Variants in NYAP2 observed in about 807,000 individuals in gnomAD.
NYAP2 encodes the protein neuronal tyrosine-phosphorylated phosphoinositide-3-kinase adapter 2.
A neutral mutation model predicts 50.4 loss-of-function variants in NYAP2; 23 were observed. The ratio of observed to expected loss-of-function variants is 0.46; its 90% CI spans 0.33 to 0.65. The LOEUF (loss-of-function observed/expected upper bound fraction) is 0.65, where lower values mean the gene tolerates loss of function less well. Among genes scored for constraint, NYAP2 ranks in the 30% least tolerant of loss-of-function variants. The pLI is 0.02. For missense variants in NYAP2, 885 were observed against 861.0 expected (o/e 1.03, Z -0.35); for synonymous variants, 394 against 365.2 (o/e 1.08, Z -0.90).
intron 3 of NYAP2, among the ~76,000 whole-genome samples, chr2:225,493,218 C>G (rs1363409576): frequency 6.6e-6 from 1 of 152,110 alleles, no homozygotes. Context: ...AACTCCTAAG[C>G]TTAAGAGATC....
intron 5 of NYAP2, among the ~76,000 whole-genome samples, chr2:225,605,800 T>G (rs1249620809): frequency 1.3e-5 from 2 of 152,156 alleles, no homozygotes; most frequent in Non-Finnish European, 2.9e-5. Context: ...ATTTATTTAT[T>G]TACTTCTACT....
chr2:225,420,774 C>G (rs1055826705), intron 3 of NYAP2, among the ~76,000 whole-genome samples: 5 of 151,772 alleles, frequency 3.3e-5, no homozygotes, highest in African/African-American at 4.8e-5. Flanking sequence ...CCATACCCGG[C>G]TAATTTTTGT....
chr2:225,551,931 G>A (rs1691685690), intron 4 of NYAP2, among the ~76,000 whole-genome samples: 1 of 152,142 alleles, frequency 6.6e-6, no homozygotes, highest in Non-Finnish European at 1.5e-5. Flanking sequence ...TCCTGCCTCA[G>A]CCTCCCAAAT....
At chr2:225,473,903 G>GTATTGCC (rs1477191049) in intron 3 of NYAP2, among the ~76,000 whole-genome samples, 1 of 152,132 alleles carries the variant, frequency 6.6e-6, no homozygotes, top group East Asian at 1.9e-4. Flanking sequence ...GTCCTGAATG[G>GTATTGCC]TATTGCCTAG....
intron 5 of NYAP2, among the ~76,000 whole-genome samples, chr2:225,601,334 TGGTCTCGATCTCTTGACCTTG>T (rs1692687246): frequency 1.3e-5 from 2 of 152,204 alleles, no homozygotes; most frequent in East Asian, 3.9e-4. Flanking sequence ...CTGGCCAGAA[TGGTCTCGATCTCTTGACCTTG>T]GGTCTCGATC....
chr2:225,676,739 G>A, the NYAP2 span, among the ~76,000 whole-genome samples: 1 of 152,134 alleles, frequency 6.6e-6, no homozygotes, highest in African/African-American at 2.4e-5. Flanking sequence ...AATTATGGGA[G>A]CCACAAGATA....
intron 3 of NYAP2, among the ~76,000 whole-genome samples, chr2:225,455,977 T>A (rs989982060): frequency 5.3e-5 from 8 of 152,218 alleles, no homozygotes; most frequent in Non-Finnish European, 7.3e-5. Flanking sequence ...ATGTAAATAG[T>A]TCTGGGATTT....
chr2:225,670,668 T>A, the NYAP2 span, among the ~76,000 whole-genome samples: 1 of 150,616 alleles, frequency 6.6e-6, no homozygotes, highest in East Asian at 2.0e-4. Flanking sequence ...TTTGGCAGCA[T>A]CAAGCAGTAA....
intron 5 of NYAP2, among the ~76,000 whole-genome samples, chr2:225,610,422 A>C (rs1048384305): frequency 6.6e-6 from 1 of 152,028 alleles, no homozygotes; most frequent in African/African-American, 2.4e-5. Flanking sequence ...TTCACCCTTC[A>C]TTACCTTGTT....
intron 5 of NYAP2, among the ~76,000 whole-genome samples, chr2:225,612,489 T>C (rs1692907317): frequency 6.6e-6 from 1 of 151,988 alleles, no homozygotes; most frequent in Admixed American, 6.6e-5. Context: ...TTTTCCTTGG[T>C]GAGTGTTTTA....
chr2:225,565,790 G>T (rs192694882), intron 4 of NYAP2, among the ~76,000 whole-genome samples: 1 of 152,062 alleles, frequency 6.6e-6, no homozygotes, highest in East Asian at 1.9e-4. Context: ...GCTCAACAAG[G>T]CTTCGTAAAG....
chr2:225,479,233 T>C (rs986465415), intron 3 of NYAP2, among the ~76,000 whole-genome samples: 7 of 152,200 alleles, frequency 4.6e-5, no homozygotes, highest in African/African-American at 1.7e-4. Context: ...AATCTGGTTA[T>C]AAATCCACTG....
chr2:225,430,828 C>T (rs527886015), intron 3 of NYAP2, among the ~76,000 whole-genome samples: 7 of 152,162 alleles, frequency 4.6e-5, no homozygotes, highest in Non-Finnish European at 1.0e-4. Context: ...TGAGGTAATG[C>T]ATAAGTTAAT....
chr2:225,664,638 G>A, the NYAP2 span, among the ~76,000 whole-genome samples: 2 of 152,148 alleles, frequency 1.3e-5, no homozygotes, highest in African/African-American at 4.8e-5. Flanking sequence ...GGAGGCAGAG[G>A]TGGTTGGATC....
chr2:225,544,176 C>T (rs1358743303), intron 4 of NYAP2, among the ~76,000 whole-genome samples: 2 of 147,956 alleles, frequency 1.4e-5, no homozygotes, highest in East Asian at 3.9e-4. Flanking sequence ...CTATGTGTAT[C>T]TTTATAGGTG....
At chr2:225,641,919 T>G (rs114338427) in intron 6 of NYAP2, among the ~76,000 whole-genome samples, 2,927 of 152,262 alleles carry the variant, frequency 0.019, 110 homozygotes, top group African/African-American at 0.066. Flanking sequence ...TTTTTATCCA[T>G]GTGAAACATA....
chr2:225,609,211 T>C (rs1014558905), intron 5 of NYAP2, among the ~76,000 whole-genome samples: 1 of 152,124 alleles, frequency 6.6e-6, no homozygotes, highest in African/African-American at 2.4e-5. Flanking sequence ...ATTATAATAC[T>C]TGTAATCTGA....
intron 3 of NYAP2, among the ~76,000 whole-genome samples, chr2:225,465,839 A>G (rs1689907581): frequency 6.6e-6 from 1 of 152,234 alleles, no homozygotes; most frequent in African/African-American, 2.4e-5. Flanking sequence ...CAACACAATC[A>G]CTTACTAAAG....
At position 225,541,632 on chromosome 2, in the gene NYAP2, T is replaced by C. The variant is rs141632892; in HGVS notation, c.523+27960T>C. Among the ~76,000 whole-genome samples, 828 of 152,310 alleles carry C rather than the reference T, an allele frequency of 5.4e-3. 5 individuals are homozygous for C. The highest frequency in any genetic ancestry group is 0.019 in the African/African-American group (774 of 41,586). On this transcript the variant is annotated intron_variant, in intron 4 of 6. Transcript: ENST00000636099. The stretch of plus-strand genomic sequence containing the variant: ...ATGAATTTGTTTCTAGGTTCTCTGT[T>C]CTGTTCCATTGGTCTATGTGTCTGT...
Sources: gnomAD v4.1 joint callset for allele counts (sites outside exome capture counted in the v4.1 genomes callset) on GRCh38, gnomAD v4.1.1 for gene constraint, MANE v1.5 for transcripts, NCBI Gene and HGNC (gene_info 2026-07-23, HGNC 2026-07-21) for gene names.